NHS: variants seen among roughly 807,000 people sequenced by gnomAD.
NHS encodes the protein actin remodeling regulator NHS.
A neutral mutation model predicts 72.5 loss-of-function variants in NHS; 5 were observed. The ratio of observed to expected loss-of-function variants is 0.07; its 90% CI spans 0.04 to 0.14. NHS has a LOEUF of 0.14. Among genes scored for constraint, NHS ranks in the 10% least tolerant of loss-of-function variants. The pLI is 1.00. For missense variants in NHS, 1,072 were observed against 1,355.7 expected (o/e 0.79, Z 3.29); for synonymous variants, 464 against 547.7 (o/e 0.85, Z 2.13).
At chrX:17,532,435 C>T (rs895463448) in intron 1 of NHS, among the ~76,000 whole-genome samples, 1 of 111,496 alleles carries the variant, frequency 9.0e-6, no homozygotes, top group Admixed American at 9.5e-5. Context: ...CCCTGGAGAC[C>T]TTCCTAGCAG....
At chrX:17,453,459 A>G (rs2064814136) in intron 1 of NHS, among the ~76,000 whole-genome samples, 1 of 112,051 alleles carries the variant, frequency 8.9e-6, no homozygotes, top group African/African-American at 3.2e-5. Flanking sequence ...ACATTTCTGT[A>G]TCATGTTGTG....
chrX:17,566,275 A>G (rs1242639860), intron 1 of NHS, among the ~76,000 whole-genome samples: 1 of 111,320 alleles, frequency 9.0e-6, no homozygotes, highest in African/African-American at 3.3e-5. Flanking sequence ...GAGCCACCGT[A>G]TACTGCCTGA....
intron 1 of NHS, among the ~76,000 whole-genome samples, chrX:17,550,114 C>G (rs1434449436): frequency 8.9e-6 from 1 of 111,973 alleles, no homozygotes; most frequent in East Asian, 2.8e-4. Context: ...AGACACAACT[C>G]TCACCATCTT....
rs1314679420 is a variant in NHS, at chrX:17,593,095, A to C, written c.566-94647A>C. On this transcript the variant is annotated intron_variant, in intron 1 of 8. Coordinates refer to ENST00000676302, the MANE Select transcript of NHS (RefSeq NM_001291867.2). ...ATGTAATGTAAGAGCATACTTATTGAAACATCATGGCACAAAATTAAAATG... is the reference window on the plus strand; with the variant it reads ...ATGTAATGTAAGAGCATACTTATTGCAACATCATGGCACAAAATTAAAATG... Among the ~76,000 whole-genome samples, 4 of 112,229 alleles carry C rather than the reference A, an allele frequency of 3.6e-5. No individual in the cohort carries two copies. The East Asian group carries it at 1.1e-3, about 31-fold the overall frequency.
rs189710132 is a variant in NHS, at chrX:17,689,136, C to A, written c.718+1242C>A. 2.2e-3 allele frequency among the ~76,000 whole-genome samples: 243 copies of A among 112,444 alleles called. 1 individual carries two copies. Among genetic ancestry groups the A allele is most frequent in the African/African-American group, 7.3e-3 (225 of 30,985 alleles). The stretch of plus-strand genomic sequence containing the variant: ...TCTTATTTATTCCACATTTGTATAA[C>A]TCCTGCCTTTTCCCCATCCTTATCT... On this transcript the variant is annotated intron_variant, in intron 2 of 8. Transcript: ENST00000676302.
At chrX:17,575,397 C>A (rs187457772) in intron 1 of NHS, among the ~76,000 whole-genome samples, 15 of 111,653 alleles carry the variant, frequency 1.3e-4, no homozygotes, top group Admixed American at 1.2e-3. Context: ...AAATACATCA[C>A]CAGTTTTTAA....
At chrX:17,639,314 A>G (rs2065868401) in intron 1 of NHS, among the ~76,000 whole-genome samples, 1 of 112,035 alleles carries the variant, frequency 8.9e-6, no homozygotes, top group Admixed American at 9.5e-5. Context: ...GTTCTTGAGG[A>G]CTTCCAAGTC....
chrX:17,570,307 A>G (rs1171087992), intron 1 of NHS, among the ~76,000 whole-genome samples: 4 of 112,191 alleles, frequency 3.6e-5, no homozygotes, highest in African/African-American at 1.3e-4. Flanking sequence ...CATGAGCATG[A>G]AATGTTTTTC....
chrX:17,404,803 GTCTCTCTCTC>G (rs368840034), intron 1 of NHS, among the ~76,000 whole-genome samples: 2 of 96,572 alleles, frequency 2.1e-5, no homozygotes, highest in African/African-American at 7.9e-5. Context: ...GTAACACTCT[GTCTCTCTCTC>G]TCTCTCTCTC....
In NHS at chrX:17,729,550, T is replaced by C. The variant is rs781747218; in HGVS notation, c.4349+775T>C. On this transcript the variant is annotated intron_variant, in intron 8 of 8. Coordinates refer to ENST00000676302, the MANE Select transcript of NHS (RefSeq NM_001291867.2). ...CCCCAAAATTAATGCCCATATTCCA[T>C]GAATACAGGTCTTTTGGGTTGCTTT... 1.3e-3 allele frequency among the ~76,000 whole-genome samples: 149 copies of C among 112,483 alleles called. 1 individual carries two copies. The highest frequency in any genetic ancestry group is 4.5e-3 in the African/African-American group (139 of 30,998).
intron 1 of NHS, among the ~76,000 whole-genome samples, chrX:17,506,426 A>G (rs1416214598): frequency 1.8e-5 from 2 of 109,935 alleles, no homozygotes; most frequent in African/African-American, 6.6e-5. Context: ...GCTACTCAGG[A>G]GGCTGAGGCA....
At chrX:17,517,683 TG>T (rs2065128007) in intron 1 of NHS, among the ~76,000 whole-genome samples, 1 of 111,922 alleles carries the variant, frequency 8.9e-6, no homozygotes, top group Middle Eastern at 4.6e-3. Context: ...CTCACTCTTT[TG>T]GTGGAAAATT....
At chrX:17,495,341 G>A (rs1398023563) in intron 1 of NHS, among the ~76,000 whole-genome samples, 2 of 111,715 alleles carry the variant, frequency 1.8e-5, no homozygotes, top group African/African-American at 6.5e-5. Context: ...TGAGTGGATA[G>A]GAAAAAGCAA....
chrX:17,605,666 T>C (rs2065675062), intron 1 of NHS, among the ~76,000 whole-genome samples: 2 of 111,055 alleles, frequency 1.8e-5, no homozygotes, highest in Middle Eastern at 4.2e-3. Flanking sequence ...CCATTCCTCT[T>C]AGTTTTCTGC....
chrX:17,529,574 A>G (rs778474734), intron 1 of NHS, among the ~76,000 whole-genome samples: 41 of 110,927 alleles, frequency 3.7e-4, no homozygotes, highest in Middle Eastern at 4.7e-3. Flanking sequence ...TTCTAGGGGG[A>G]AAAAAAATGC....
At chrX:17,533,922 T>C (rs1329284883) in intron 1 of NHS, among the ~76,000 whole-genome samples, 1 of 113,202 alleles carries the variant, frequency 8.8e-6, no homozygotes, top group African/African-American at 3.2e-5. Flanking sequence ...CTCTTGCCAT[T>C]AATATGCACT....
chrX:17,640,313 C>G (rs1320887017), intron 1 of NHS, among the ~76,000 whole-genome samples: 2 of 111,742 alleles, frequency 1.8e-5, no homozygotes, highest in Non-Finnish European at 3.8e-5. Flanking sequence ...ACCGGAAACT[C>G]CACTCTCCTG....
At chrX:17,540,352 G>A (rs186968954) in intron 1 of NHS, among the ~76,000 whole-genome samples, 1 of 111,861 alleles carries the variant, frequency 8.9e-6, no homozygotes, top group Admixed American at 9.5e-5. Context: ...ACTATCAGGG[G>A]GTTTCTTGGT....
At chrX:17,584,247 C>A (rs1357711548) in intron 1 of NHS, among the ~76,000 whole-genome samples, 1 of 111,487 alleles carries the variant, frequency 9.0e-6, no homozygotes, top group Non-Finnish European at 1.9e-5. Context: ...TGGGTTTCGA[C>A]TTTCATACCC....
Sources: allele counts gnomAD v4.1 joint callset (sites outside exome capture counted in the v4.1 genomes callset), GRCh38; gene constraint gnomAD v4.1.1; transcripts MANE v1.5; gene names NCBI Gene and HGNC (gene_info 2026-07-23, HGNC 2026-07-21).